DLGAP2: variants seen among roughly 807,000 people sequenced by gnomAD.
DLGAP2 encodes the protein disks large-associated protein 2.
Under a neutral mutation model 100.3 loss-of-function variants are expected in DLGAP2, and 26 were observed. The ratio of observed to expected loss-of-function variants is 0.26; its 90% CI spans 0.19 to 0.36. The LOEUF is 0.36. Among genes scored for constraint, DLGAP2 ranks in the 10% least tolerant of loss-of-function variants. DLGAP2 has a pLI of 1.00. For missense variants in DLGAP2, 1,858 were observed against 1,453.2 expected (o/e 1.28, Z -4.53); for synonymous variants, 886 against 630.1 (o/e 1.41, Z -6.08).
intron 1 of DLGAP2, among the ~76,000 whole-genome samples, chr8:770,499 A>G (rs1050372002): frequency 3.3e-5 from 5 of 152,190 alleles, no homozygotes; most frequent in Non-Finnish European, 5.9e-5. Flanking sequence ...AGGAAGCCAT[A>G]TGTTCCTCAG....
chr8:993,835 T>C (rs1423395627), intron 2 of DLGAP2, among the ~76,000 whole-genome samples: 3 of 149,458 alleles, frequency 2.0e-5, no homozygotes, highest in African/African-American at 7.4e-5. Context: ...ATTTTTGCTT[T>C]CTGTTGAGGG....
At chr8:1,337,471 A>ATGG (rs1801314084) in intron 3 of DLGAP2, among the ~76,000 whole-genome samples, 1 of 16,232 alleles carries the variant, frequency 6.2e-5, no homozygotes, top group African/African-American at 2.3e-4. Context: ...AATGGTGAGG[A>ATGG]TGATGGGGAT....
intron 2 of DLGAP2, among the ~76,000 whole-genome samples, chr8:937,204 C>T (rs1014351200): frequency 6.6e-6 from 1 of 152,166 alleles, no homozygotes; most frequent in East Asian, 1.9e-4. Flanking sequence ...AAAATGCTAT[C>T]ATTTAGAAAG....
At chr8:885,044 A>G (rs763323168) in intron 1 of DLGAP2, among the ~76,000 whole-genome samples, 17 of 152,174 alleles carry the variant, frequency 1.1e-4, no homozygotes, top group Non-Finnish European at 2.1e-4. Flanking sequence ...GCCTTGTAGT[A>G]TAGTTTGATG....
chr8:1,263,049 T>C (rs73168490), intron 3 of DLGAP2, among the ~76,000 whole-genome samples: 1,895 of 152,292 alleles, frequency 0.012, 12 homozygotes, highest in Middle Eastern at 0.037. Context: ...ATCTGTGTTA[T>C]TTGCCCCCAT....
At position 1,553,128 on chromosome 8, in the gene DLGAP2, G is replaced by T. The variant is rs528806024; in HGVS notation, c.1230+3445G>T. On this transcript the variant is annotated intron_variant, in intron 5 of 14. Coordinates refer to ENST00000637795, the MANE Select transcript of DLGAP2 (RefSeq NM_001346810.2). ...GCGGCATCAGATGGAGGGACAGCGG[G>T]GCCCCTGCTGCATCCCAGAGAAGAC... Among the ~76,000 whole-genome samples, 6 of 152,232 alleles carry T rather than the reference G, an allele frequency of 3.9e-5. 2 individuals are homozygous for T. In the South Asian group the frequency reaches 1.2e-3, roughly 32 times the overall value.
At chr8:1,118,955 C>G (rs568790497) in intron 2 of DLGAP2, among the ~76,000 whole-genome samples, 43 of 152,256 alleles carry the variant, frequency 2.8e-4, no homozygotes, top group African/African-American at 1.0e-3. Context: ...AATAATTTAT[C>G]GTTTGATGTT....
At position 1,180,428 on chromosome 8, in the gene DLGAP2, C is replaced by T. The variant is rs544776630; in HGVS notation, c.74-78423C>T. Among the ~76,000 whole-genome samples the T allele has an allele frequency of 3.3e-5, 5 of 152,354 alleles. No homozygotes were observed. In the East Asian group the frequency reaches 9.7e-4, roughly 29 times the overall value. ...CAATGTTGCCCAGCCTGGTCTTGAGCTCAAGCAGTCCTCTGCTTCAGGCCC... is the reference window on the plus strand; with the variant it reads ...CAATGTTGCCCAGCCTGGTCTTGAGTTCAAGCAGTCCTCTGCTTCAGGCCC... On this transcript the variant is annotated intron_variant, in intron 2 of 14. Coordinates refer to ENST00000637795, the MANE Select transcript of DLGAP2 (RefSeq NM_001346810.2).
At chr8:1,328,080 C>T (rs1362094698) in intron 3 of DLGAP2, among the ~76,000 whole-genome samples, 1 of 152,088 alleles carries the variant, frequency 6.6e-6, no homozygotes, top group Non-Finnish European at 1.5e-5. Flanking sequence ...CACTCTGTCT[C>T]CCAGGCTGGA....
intron 2 of DLGAP2, among the ~76,000 whole-genome samples, chr8:1,236,211 T>G (rs1401677698): frequency 2.5e-5 from 2 of 81,498 alleles, no homozygotes; most frequent in Non-Finnish European, 2.7e-5. Flanking sequence ...TTCTCTCACA[T>G]GGCGCCGTGT....
At chr8:1,181,864 G>A (rs184435255) in intron 2 of DLGAP2, among the ~76,000 whole-genome samples, 6 of 152,260 alleles carry the variant, frequency 3.9e-5, no homozygotes, top group African/African-American at 1.4e-4. Flanking sequence ...GGCACCCCCT[G>A]GAGAGGACTT....
intron 1 of DLGAP2, among the ~76,000 whole-genome samples, chr8:882,882 C>T (rs1797839268): frequency 6.6e-6 from 1 of 152,282 alleles, no homozygotes; most frequent in African/African-American, 2.4e-5. Context: ...GCTGCTCACG[C>T]TGCGACGTTG....
At chr8:1,574,738 CA>C (rs1802891705) in intron 6 of DLGAP2, among the ~76,000 whole-genome samples, 2 of 152,152 alleles carry the variant, frequency 1.3e-5, no homozygotes, top group Non-Finnish European at 2.9e-5. Flanking sequence ...ATTAAACTGC[CA>C]ATAATCAGCC....
chr8:1,111,171 A>G (rs569989716), intron 2 of DLGAP2, among the ~76,000 whole-genome samples: 44 of 152,368 alleles, frequency 2.9e-4, no homozygotes, highest in Admixed American at 5.9e-4. Flanking sequence ...GCCAAGCTAC[A>G]GAAAATAAAT....
intron 3 of DLGAP2, among the ~76,000 whole-genome samples, chr8:1,271,416 C>G (rs1279707854): frequency 6.6e-6 from 1 of 152,152 alleles, no homozygotes; most frequent in African/African-American, 2.4e-5. Flanking sequence ...ATTCTGGAGA[C>G]TTGACTTTAT....
intron 3 of DLGAP2, among the ~76,000 whole-genome samples, chr8:1,477,136 C>T (rs984521774): frequency 2.0e-5 from 3 of 152,232 alleles, no homozygotes; most frequent in South Asian, 2.1e-4. Context: ...GCTTGACCCA[C>T]CTGCTGGGAA....
At chr8:1,056,009 T>C (rs1205817202) in intron 2 of DLGAP2, among the ~76,000 whole-genome samples, 2 of 152,202 alleles carry the variant, frequency 1.3e-5, no homozygotes, top group Non-Finnish European at 2.9e-5. Context: ...CTGCTCCTTA[T>C]GGAGGCAGCT....
intron 3 of DLGAP2, among the ~76,000 whole-genome samples, chr8:1,391,570 C>G (rs1585328837): frequency 6.6e-6 from 1 of 152,146 alleles, no homozygotes; most frequent in African/African-American, 2.4e-5. Flanking sequence ...AGCACATGTT[C>G]CACCATGGAT....
chr8:1,454,768 G>A (rs969487950), intron 3 of DLGAP2, among the ~76,000 whole-genome samples: 6 of 152,154 alleles, frequency 3.9e-5, no homozygotes, highest in Admixed American at 1.3e-4. Flanking sequence ...AGAACAGGCA[G>A]GTAGAAAAGG....
Sources: gnomAD v4.1 joint callset for allele counts (sites outside exome capture counted in the v4.1 genomes callset) on GRCh38, gnomAD v4.1.1 for gene constraint, MANE v1.5 for transcripts, NCBI Gene and HGNC (gene_info 2026-07-23, HGNC 2026-07-21) for gene names.